The following NXN variants were observed in gnomAD, a reference collection of about 807,000 sequenced individuals.
NXN encodes nucleoredoxin, also known as nucleoredoxin 1.
NXN carries 16 observed loss-of-function variants against 48.6 expected under a neutral mutation model. The observed-to-expected ratio is 0.33, with a 90% CI of 0.22 to 0.50. The LOEUF is 0.50. Ranked by LOEUF, NXN falls within the 20% of genes least tolerant of loss-of-function variation. NXN has a pLI of 0.98. For missense variants in NXN, 492 were observed against 605.5 expected, an observed-to-expected ratio of 0.81 and a Z score of 1.97; for synonymous variants, 281 against 269.6, an observed-to-expected ratio of 1.04 and a Z score of -0.41.
intron 1 of NXN, among the ~76,000 whole-genome samples, chr17:873,946 T>G (rs760643107): frequency 4.6e-5 from 7 of 152,122 alleles, no homozygotes; most frequent in Non-Finnish European, 7.4e-5. Flanking sequence ...AATCATGGTC[T>G]TTTTCCAGCA....
chr17:877,993 G>T, intron 1 of NXN: 1 of 152,286 alleles, frequency 6.6e-6, no homozygotes, highest in Non-Finnish European at 1.5e-5. Flanking sequence ...TCTAATTCGT[G>T]ACATCGTGGC....
intron 1 of NXN, among the ~76,000 whole-genome samples, chr17:867,777 T>G (rs2068108324): frequency 6.6e-6 from 1 of 151,862 alleles, no homozygotes; most frequent in Non-Finnish European, 1.5e-5. Context: ...AATACAAAAA[T>G]TAGCCAGGTG....
At chr17:841,627 C>T (rs1210856246) in intron 1 of NXN, among the ~76,000 whole-genome samples, 55 of 118,896 alleles carry the variant, frequency 4.6e-4, no homozygotes, top group Non-Finnish European at 6.3e-4. Flanking sequence ...CTCACACGGG[C>T]AAGCAGGTCC....
chr17:954,491 G>C (rs2069144963), intron 1 of NXN, among the ~76,000 whole-genome samples: 1 of 152,188 alleles, frequency 6.6e-6, no homozygotes, highest in Admixed American at 6.6e-5. Flanking sequence ...CCAGGCTCAG[G>C]GCAAGCACGT....
At chr17:924,343 T>G (rs1466724349) in intron 1 of NXN, among the ~76,000 whole-genome samples, 1 of 152,218 alleles carries the variant, frequency 6.6e-6, no homozygotes, top group African/African-American at 2.4e-5. Flanking sequence ...TTCAAGCGAT[T>G]CTCCTGCCTC....
In NXN at chr17:920,938, GTCTTGAAC is replaced by G. The variant is rs2068744984; in HGVS notation, c.360+58373_360+58380del. ...GGGTTTTGCCATGTTAGCCAGGCTG[GTCTTGAAC>G]TCCTGACCTCAAGTGATCCTCCCAC... On this transcript the variant is annotated intron_variant, in intron 1 of 7. Coordinates refer to ENST00000336868, the MANE Select transcript of NXN (RefSeq NM_022463.5). This position sits in a 1 kb window ranked among gnomAD's most constrained non-coding sequence, Gnocchi z 4.6. Among the ~76,000 whole-genome samples the G allele has an allele frequency of 6.6e-6, 1 of 152,012 alleles. No homozygotes were observed. Among genetic ancestry groups the G allele is most frequent in the Admixed American group, 6.6e-5 (1 of 15,248 alleles).
At chr17:837,293 A>G (rs903125716) in intron 1 of NXN, among the ~76,000 whole-genome samples, 4 of 152,106 alleles carry the variant, frequency 2.6e-5, no homozygotes, top group Non-Finnish European at 4.4e-5. Context: ...GCCATCTTCT[A>G]AATGCTCCAG....
rs2069201595 is a variant in NXN at position 958,853 on chromosome 17, GC to G, written c.360+20465del. 6.6e-6 allele frequency among the ~76,000 whole-genome samples: 1 copy of G among 152,146 alleles called. No individual in the cohort carries two copies. On this transcript the variant is annotated intron_variant, in intron 1 of 7. Coordinates refer to ENST00000336868, the MANE Select transcript of NXN (RefSeq NM_022463.5). The surrounding 1 kb of genome is among the most constrained non-coding windows in gnomAD (Gnocchi z 6.9). ...GGGCTGAGGTGGGAGGATCGCTTGA[GC>G]CCAGGAGGTCAGGGCTGCAGTGAGT...
intron 1 of NXN, among the ~76,000 whole-genome samples, chr17:866,517 A>G (rs2068097281): frequency 6.6e-6 from 1 of 152,168 alleles, no homozygotes; most frequent in Admixed American, 6.5e-5. Context: ...GCATGCAGTG[A>G]GCTGAGATCG....
chr17:854,476 G>A (rs542466783), intron 1 of NXN, among the ~76,000 whole-genome samples: 3 of 149,434 alleles, frequency 2.0e-5, no homozygotes, highest in Admixed American at 1.3e-4. Context: ...GTGAAACCCT[G>A]TCTCTACTAA....
In NXN at chr17:799,753, G is replaced by C. The variant is rs184212801; in HGVS notation, c.*1196C>G. The C allele has an allele frequency of 6.6e-6, 1 of 152,378 alleles. No individual in the cohort carries two copies. Among genetic ancestry groups the C allele is most frequent in the Non-Finnish European group, 1.5e-5 (1 of 68,140 alleles). 9.4% of individuals were successfully genotyped at this position (152,378 alleles called of 1,614,324 possible). A position where few individuals can be genotyped will look rare whatever the true frequency, so the allele number is the denominator to read the frequency against. ...CACCCTCACTCCATCCCGGGGCACA[G>C]CTCCTTCCGCTGGTGCTTAGGAAAA... On this transcript the variant is annotated 3_prime_UTR_variant, in exon 8 of 8. Transcript: ENST00000336868.
At chr17:873,161 G>C (rs56146140) in intron 1 of NXN, among the ~76,000 whole-genome samples, 13,180 of 152,034 alleles carry the variant, frequency 0.087, 746 homozygotes, top group South Asian at 0.23. Flanking sequence ...GCAGCTCTTG[G>C]GGCTTCTTAG....
chr17:891,507 T>C (rs2068416405), intron 1 of NXN, among the ~76,000 whole-genome samples: 1 of 152,176 alleles, frequency 6.6e-6, no homozygotes, highest in South Asian at 2.1e-4. Flanking sequence ...ACTGAGGATA[T>C]CAGCTCATGA....
intron 1 of NXN, among the ~76,000 whole-genome samples, chr17:874,363 A>G (rs138250043): frequency 0.033 from 5,064 of 152,136 alleles, 247 homozygotes; most frequent in African/African-American, 0.11. Context: ...GCCGAGGTGG[A>G]TCATGAGGTC....
chr17:811,950 C>T (rs1253416741), intron 5 of NXN, among the ~76,000 whole-genome samples: 96 of 99,176 alleles, frequency 9.7e-4, no homozygotes, highest in African/African-American at 1.5e-3. Context: ...TTTTTTGAGA[C>T]GGAGTCTCGC....
At chr17:869,186 T>C (rs1379314647) in intron 1 of NXN, among the ~76,000 whole-genome samples, 2 of 152,190 alleles carry the variant, frequency 1.3e-5, no homozygotes, top group Admixed American at 6.5e-5. Context: ...GTTTGTTAAC[T>C]TCCCAGCACA....
intron 1 of NXN, among the ~76,000 whole-genome samples, chr17:852,701 G>A (rs1038344920): frequency 6.6e-6 from 1 of 152,176 alleles, no homozygotes; most frequent in Non-Finnish European, 1.5e-5. Context: ...GCTATAGAGT[G>A]GGGCCAGGTC....
rs1419280845 is a variant in NXN, at chr17:863,478, T to A, written c.361-37400A>T. ...CACCACGCTCAGCCGTGTTTTGTTT[T>A]GAGACAGGGTCTCGCTCTGTCCCCC... On this transcript the variant is annotated intron_variant, in intron 1 of 7. Coordinates refer to ENST00000336868, the MANE Select transcript of NXN (RefSeq NM_022463.5). Among the ~76,000 whole-genome samples, 3 of 152,098 alleles carry A rather than the reference T, an allele frequency of 2.0e-5. No homozygotes were observed. In the East Asian group the frequency reaches 5.8e-4, roughly 29 times the overall value.
chr17:954,883 G>T, intron 1 of NXN, among the ~76,000 whole-genome samples: 1 of 152,206 alleles, frequency 6.6e-6, no homozygotes, highest in East Asian at 1.9e-4. Flanking sequence ...ATATTTCAGC[G>T]CTGGTATTCC....
Sources: allele counts gnomAD v4.1 joint callset (sites outside exome capture counted in the v4.1 genomes callset), GRCh38; gene constraint gnomAD v4.1.1; non-coding constraint Gnocchi (gnomAD v3.1); transcripts MANE v1.5; gene names NCBI Gene and HGNC (gene_info 2026-07-23, HGNC 2026-07-21).